Variants in MCU observed in about 807,000 individuals in gnomAD.
MCU encodes the protein mitochondrial calcium uniporter.
In MCU, 12 loss-of-function variants were observed where a neutral mutation model predicts 45.2. The observed-to-expected ratio is 0.27, with a 90% CI of 0.17 to 0.43. The LOEUF is 0.43. Among genes scored for constraint, MCU ranks in the 20% least tolerant of loss-of-function variants. MCU has a pLI of 1.00. For synonymous variants in MCU, 160 were observed against 165.1 expected (o/e 0.97, Z 0.24); for missense variants, 324 against 436.7 (o/e 0.74, Z 2.30).
At chr10:72,861,652 G>C (rs1264571951) in intron 4 of MCU, 1 of 380,112 alleles carries the variant, frequency 2.6e-6, no homozygotes, top group Non-Finnish European at 5.0e-6. Context: ...CAGCCGCCAG[G>C]CTAATTTTTT....
intron 1 of MCU, among the ~76,000 whole-genome samples, chr10:72,771,152 A>G (rs1195733810): frequency 6.6e-6 from 1 of 152,096 alleles, no homozygotes; most frequent in Non-Finnish European, 1.5e-5. Flanking sequence ...GCACCCATCA[A>G]CCCGTCATTT....
chr10:72,705,983 A>T (rs868399518), intron 1 of MCU, among the ~76,000 whole-genome samples: 10 of 151,034 alleles, frequency 6.6e-5, no homozygotes, highest in South Asian at 2.1e-4. Context: ...ACTCTCTCTC[A>T]AAAAAAAAGG....
intron 1 of MCU, among the ~76,000 whole-genome samples, chr10:72,701,843 A>G (rs1018914254): frequency 6.6e-6 from 1 of 151,730 alleles, no homozygotes; most frequent in South Asian, 2.1e-4. Context: ...CACTGACTAC[A>G]TTTCTTAAAT....
intron 2 of MCU, among the ~76,000 whole-genome samples, chr10:72,835,377 A>C (rs1165531838): frequency 6.6e-6 from 1 of 152,188 alleles, no homozygotes; most frequent in Non-Finnish European, 1.5e-5. Context: ...TGACTGTTAG[A>C]TATGTTTCCT....
Position 72,884,336 on chromosome 10 carries a change from G to T in MCU, c.932G>T (p.Arg311Leu). Residue 311 changes from arginine to leucine, a missense_variant, in exon 7 of 8, where the codon CGT (arginine) becomes CTT (leucine). This residue lies in a region of MCU where 76 missense variants were observed against 99.4 expected (regional missense o/e 0.76). Transcript: ENST00000373053. ...LFFHKGAKKS[R>L]FDLEKYNQLK... ...TTCCATAAAGGAGCCAAAAAGTCAC[G>T]TTTTGACCTAGAGAAATACAATCAA... The T allele has an allele frequency of 1.2e-6, 2 of 1,612,500 alleles. No homozygotes were observed. Among genetic ancestry groups the T allele is most frequent in the Non-Finnish European group, 1.7e-6 (2 of 1,178,804 alleles).
At chr10:72,829,777 A>C (rs967410734) in intron 1 of MCU, among the ~76,000 whole-genome samples, 2 of 152,174 alleles carry the variant, frequency 1.3e-5, no homozygotes, top group Non-Finnish European at 2.9e-5. Context: ...GAGCTCTTAC[A>C]ATTGCTTCCT....
intron 7 of MCU, among the ~76,000 whole-genome samples, chr10:72,884,697 T>G (rs926979773): frequency 6.6e-6 from 1 of 152,026 alleles, no homozygotes; most frequent in African/African-American, 2.4e-5. Flanking sequence ...TTTCTACTTT[T>G]CCCTCTGCTT....
At chr10:72,751,390 G>GT (rs1345503264) in intron 1 of MCU, among the ~76,000 whole-genome samples, 5 of 67,876 alleles carry the variant, frequency 7.4e-5, no homozygotes, top group African/African-American at 2.8e-4. Context: ...GTCTCATTCT[G>GT]TTTCCCCGGG....
intron 1 of MCU, among the ~76,000 whole-genome samples, chr10:72,826,608 A>G (rs1011125010): frequency 6.6e-5 from 10 of 152,224 alleles, no homozygotes; most frequent in Non-Finnish European, 1.2e-4. Flanking sequence ...CTGTCTATCA[A>G]AAAGGGCAGC....
intron 2 of MCU, among the ~76,000 whole-genome samples, chr10:72,839,532 TGTA>T (rs1432690009): frequency 2.0e-5 from 3 of 152,164 alleles, no homozygotes; most frequent in Non-Finnish European, 4.4e-5. Context: ...TTATCCATGT[TGTA>T]GTGTGTATTC....
At position 72,834,440 on chromosome 10, in the gene MCU, C is replaced by A. The variant is rs765059523; in HGVS notation, c.220+12C>A. The stretch of plus-strand genomic sequence containing the variant: ...TGTGCCCTCTGATGGTGAGTTTCAG[C>A]AAATCCACCTTTTATGTCTAATATT... On this transcript the variant is annotated intron_variant, in intron 2 of 7. Transcript: ENST00000373053. The A allele has an allele frequency of 9.0e-5, 145 of 1,606,940 alleles. No individual in the cohort carries two copies. The highest frequency in any genetic ancestry group is 1.2e-4 in the Non-Finnish European group (144 of 1,174,458).
chr10:72,736,534 T>C (rs574512430), intron 1 of MCU: 2 of 152,302 alleles, frequency 1.3e-5, no homozygotes, highest in South Asian at 4.1e-4. Context: ...TTTATGCTTA[T>C]TAGGAAAGAA....
chr10:72,754,100 C>G (rs1200597705), intron 1 of MCU, among the ~76,000 whole-genome samples: 1 of 152,070 alleles, frequency 6.6e-6, no homozygotes, highest in African/African-American at 2.4e-5. Context: ...GGAAAGTTAC[C>G]CCCTGTGGTG....
chr10:72,744,978 G>T lies in MCU; in HGVS notation c.150+52677G>T, dbSNP rs546157992. ...TGGTTTTGTTTTTTCCCCTTAACAT[G>T]ATCTGCCCCTCAGCTTTTCTTCTGA... is the stretch of plus-strand genomic sequence containing the variant. On this transcript the variant is annotated intron_variant, in intron 1 of 7. Coordinates refer to ENST00000373053, the MANE Select transcript of MCU (RefSeq NM_138357.3). Among the ~76,000 whole-genome samples, 3 of 152,036 alleles carry T rather than the reference G, an allele frequency of 2.0e-5. No individual in the cohort carries two copies. In the South Asian group the frequency reaches 6.2e-4, roughly 32 times the overall value.
chr10:72,732,325 C>T (rs1444028951), intron 1 of MCU, among the ~76,000 whole-genome samples: 3 of 152,166 alleles, frequency 2.0e-5, no homozygotes, highest in African/African-American at 7.2e-5. Flanking sequence ...CATTATGAAT[C>T]TGGCATCTAT....
At chr10:72,760,868 C>T (rs149778630) in intron 1 of MCU, among the ~76,000 whole-genome samples, 15 of 151,890 alleles carry the variant, frequency 9.9e-5, no homozygotes, top group African/African-American at 3.6e-4. Flanking sequence ...TATTTTCATT[C>T]CTATTCAATA....
At chr10:72,710,165 A>T (rs1404158350) in intron 1 of MCU, among the ~76,000 whole-genome samples, 3 of 152,076 alleles carry the variant, frequency 2.0e-5, no homozygotes, top group African/African-American at 7.2e-5. Flanking sequence ...TTTAGTAGAG[A>T]TGGGGTTTCA....
intron 1 of MCU, among the ~76,000 whole-genome samples, chr10:72,737,448 AG>A (rs1843265962): frequency 1.3e-5 from 2 of 151,816 alleles, no homozygotes; most frequent in African/African-American, 2.4e-5. Context: ...ATGTAAAGAG[AG>A]GGGGTAAGGG....
chr10:72,729,718 A>C (rs1485805503), intron 1 of MCU, among the ~76,000 whole-genome samples: 1 of 152,156 alleles, frequency 6.6e-6, no homozygotes, highest in Non-Finnish European at 1.5e-5. Flanking sequence ...TGTAGGTGGT[A>C]ATACTCAGTT....
Sources: gnomAD v4.1 joint callset for allele counts (sites outside exome capture counted in the v4.1 genomes callset) on GRCh38, gnomAD v4.1.1 for gene constraint, gnomAD v4.1.1 regional missense constraint, MANE v1.5 for transcripts, NCBI Gene and HGNC (gene_info 2026-07-23, HGNC 2026-07-21) for gene names.